Variants in NDEL1 observed in about 807,000 individuals in gnomAD.
The protein encoded by NDEL1 is nuclear distribution protein nudE-like 1.
NDEL1 carries 9 observed loss-of-function variants against 45.7 expected under a neutral mutation model. The observed-to-expected ratio is 0.20, with a 90% CI of 0.12 to 0.34. NDEL1 has a LOEUF of 0.34. NDEL1 is among the 10% of genes least tolerant of loss of function. The pLI, the probability that NDEL1 is intolerant of heterozygous loss-of-function variation, is 1.00. For synonymous variants in NDEL1, 133 were observed against 158.6 expected (o/e 0.84, Z 1.21); for missense variants, 306 against 406.2 (o/e 0.75, Z 2.12).
intron 8 of NDEL1, 102 bp downstream of exon 8, chr17:8,460,262 A>T: frequency 8.0e-7 from 1 of 1,247,572 alleles, no homozygotes; most frequent in Non-Finnish European, 1.1e-6. Context: ...AGCTTGACAA[A>T]CCTTCCCGAA....
chr17:8,432,901 C>A (rs1252913364), upstream of NDEL1, among the ~76,000 whole-genome samples: 2 of 152,150 alleles, frequency 1.3e-5, no homozygotes, highest in Non-Finnish European at 2.9e-5. Flanking sequence ...TCAAAACACT[C>A]TCGTAATAAG....
intron 4 of NDEL1, among the ~76,000 whole-genome samples, chr17:8,447,279 AT>A (rs1239330721): frequency 2.0e-5 from 3 of 152,110 alleles, no homozygotes; most frequent in Non-Finnish European, 4.4e-5. Context: ...AGTAGCTGGG[AT>A]TATAGGCATG....
chr17:8,448,433 T>A, intron 4 of NDEL1, 117 bp from the exon 5 acceptor site: 1 of 1,075,756 alleles, frequency 9.3e-7, no homozygotes, highest in South Asian at 1.7e-5. Context: ...TCTTCTTTGA[T>A]TGGGGCCAGG....
At chr17:8,462,080 C>T (rs1292496782) in intron 8 of NDEL1, among the ~76,000 whole-genome samples, 1 of 151,686 alleles carries the variant, frequency 6.6e-6, no homozygotes, top group East Asian at 1.9e-4. Context: ...GAGCTGAAGC[C>T]AGGAACAGGC....
intron 1 of NDEL1, among the ~76,000 whole-genome samples, chr17:8,437,960 A>G (rs1909459569): frequency 6.6e-6 from 1 of 151,790 alleles, no homozygotes; most frequent in African/African-American, 2.4e-5. Context: ...GGCAGAGAAT[A>G]ATAATTTTTT....
downstream of NDEL1, among the ~76,000 whole-genome samples, chr17:8,471,890 G>C (rs1420018501): frequency 6.6e-6 from 1 of 152,158 alleles, no homozygotes; most frequent in East Asian, 1.9e-4. Flanking sequence ...TCTTGGTGCA[G>C]ATGTTGTCCC....
At chr17:8,434,845 G>A (rs1909162543), upstream of NDEL1, among the ~76,000 whole-genome samples, 2 of 151,946 alleles carry the variant, frequency 1.3e-5, no homozygotes, top group Admixed American at 1.3e-4. Flanking sequence ...GCCGAGGCGG[G>A]CGGATCACGA....
downstream of NDEL1, among the ~76,000 whole-genome samples, chr17:8,470,806 G>A (rs1018947853): frequency 6.6e-6 from 1 of 152,196 alleles, no homozygotes; most frequent in African/African-American, 2.4e-5. This position sits in a 1 kb window ranked among gnomAD's most constrained non-coding sequence, Gnocchi z 4.2. Flanking sequence ...GACGAGCGGC[G>A]GGGCCGGCAC....
Position 8,467,306 on chromosome 17 carries a change from C to T in NDEL1, c.*283C>T. The T allele has an allele frequency of 1.8e-6, 1 of 560,756 alleles. No individual in the cohort carries two copies. The highest frequency in any genetic ancestry group is 3.0e-5 in the East Asian group (1 of 33,178). The allele number at this position is 560,756 out of a possible 1,614,324, so 34.7% of individuals were successfully genotyped here. A position where few individuals can be genotyped will look rare whatever the true frequency, so the allele number is the denominator to read the frequency against. On this transcript the variant is annotated 3_prime_UTR_variant, in exon 9 of 9. Transcript: ENST00000334527. The surrounding 1 kb of genome is among the most constrained non-coding windows in gnomAD (Gnocchi z 6.3). ...GATACATACGTGTATTACTTGGTCACTGGATGCAGAAGTACCCATTCATCA... is the reference window on the plus strand; with the variant it reads ...GATACATACGTGTATTACTTGGTCATTGGATGCAGAAGTACCCATTCATCA...
At chr17:8,433,876 T>A (rs140468454), upstream of NDEL1, among the ~76,000 whole-genome samples, 16 of 152,150 alleles carry the variant, frequency 1.1e-4, no homozygotes, top group East Asian at 2.9e-3. Flanking sequence ...ATATTATTCA[T>A]AATATTATTC....
chr17:8,462,693 GC>G (rs1477375268), intron 8 of NDEL1: 1 of 152,254 alleles, frequency 6.6e-6, no homozygotes, highest in Non-Finnish European at 1.5e-5. Flanking sequence ...TGCAGAACCT[GC>G]CTGCCCTCCC....
At chr17:8,435,210 A>T (rs1423719873), upstream of NDEL1, among the ~76,000 whole-genome samples, 1 of 152,230 alleles carries the variant, frequency 6.6e-6, no homozygotes. Flanking sequence ...ATGTATACAA[A>T]AATGAATATA....
intron 1 of NDEL1, among the ~76,000 whole-genome samples, chr17:8,437,134 T>A (rs1909403588): frequency 6.6e-6 from 1 of 152,232 alleles, no homozygotes; most frequent in Non-Finnish European, 1.5e-5. Flanking sequence ...TTAATTGCTT[T>A]GCTAAATCGT....
At chr17:8,443,216 A>C (rs773460303) in intron 1 of NDEL1, among the ~76,000 whole-genome samples, 11 of 152,246 alleles carry the variant, frequency 7.2e-5, no homozygotes, top group Non-Finnish European at 1.3e-4. Flanking sequence ...GAAATAAGTA[A>C]GCCAGCCTAA....
rs539475948 is a variant in NDEL1 at position 8,425,132 on chromosome 17, A to T, written c.-13+11863A>T. On this transcript the variant is annotated intron_variant, in intron 1 of 4. Coordinates refer to the NDEL1 transcript ENST00000582812. ...CTTATACCTGTTGGATGAAATATAGACTCTCTTCTTTGCTATCCTACTTTG... is the reference window on the plus strand; with the variant it reads ...CTTATACCTGTTGGATGAAATATAGTCTCTCTTCTTTGCTATCCTACTTTG... Among the ~76,000 whole-genome samples, 69 of 151,988 alleles carry T rather than the reference A, an allele frequency of 4.5e-4. 1 individual carries two copies. The highest frequency in any genetic ancestry group is 8.8e-5 in the Non-Finnish European group (6 of 67,970).
chr17:8,413,431 C>T (rs1305742419), intron 1 of NDEL1, among the ~76,000 whole-genome samples: 1 of 152,160 alleles, frequency 6.6e-6, no homozygotes, highest in Non-Finnish European at 1.5e-5. Context: ...TGGTTATGTC[C>T]CTGTGGCATG....
In NDEL1 at chr17:8,450,859, C is replaced by T. The variant is rs979129708; in HGVS notation, c.606C>T (p.Asp202=). ...CGGCTCCTAGCTCTCCAACTCTAGA[C>T]TGTGAAAAGATGGACTCCGCCGTCC... The part of the protein sequence containing the change: ...RKSAPSSPTL[D]CEKMDSAVQA... Residue 202 remains aspartate (D), a synonymous_variant, in exon 6 of 9, where the codon GAC becomes GAT. Transcript: ENST00000334527. 35 of 1,613,608 alleles carry T rather than the reference C, an allele frequency of 2.2e-5. No individual in the cohort carries two copies. The Admixed American group carries it at 5.8e-4, about 27-fold the overall frequency.
At chr17:8,456,198 G>A (rs1335718463) in intron 7 of NDEL1, among the ~76,000 whole-genome samples, 1 of 152,200 alleles carries the variant, frequency 6.6e-6, no homozygotes, top group East Asian at 1.9e-4. Flanking sequence ...CATCATAGGG[G>A]TTATTTTCTA....
At chr17:8,455,237 TG>T (rs1310154621) in intron 7 of NDEL1, among the ~76,000 whole-genome samples, 30 of 152,340 alleles carry the variant, frequency 2.0e-4, no homozygotes, top group African/African-American at 7.2e-4. Flanking sequence ...ACCGTCTTCC[TG>T]GTCATTCCTT....
Sources: allele counts gnomAD v4.1 joint callset (sites outside exome capture counted in the v4.1 genomes callset), GRCh38; gene constraint gnomAD v4.1.1; non-coding constraint Gnocchi (gnomAD v3.1); transcripts MANE v1.5; gene names NCBI Gene and HGNC (gene_info 2026-07-23, HGNC 2026-07-21).